Variants in GMDS observed in about 807,000 individuals in gnomAD.
GMDS encodes GDP-mannose 4,6-dehydratase, also known as GDP-mannose 4,6 dehydratase.
In GMDS, 20 loss-of-function variants were observed where a neutral mutation model predicts 49.9. That is an observed-to-expected ratio of 0.40 (90% CI 0.28 to 0.58). The LOEUF is 0.58. Ranked by LOEUF, GMDS falls within the 20% of genes least tolerant of loss-of-function variation. The probability of loss-of-function intolerance (pLI) is 0.42; values close to 1 mark genes in which losing one functional copy is unlikely to be tolerated. For missense variants in GMDS, 362 were observed against 481.4 expected, an observed-to-expected ratio of 0.75 and a Z score of 2.32; for synonymous variants, 177 against 178.6, an observed-to-expected ratio of 0.99 and a Z score of 0.07.
At chr6:1,757,653 T>C (rs1767997164) in intron 7 of GMDS, among the ~76,000 whole-genome samples, 1 of 152,226 alleles carries the variant, frequency 6.6e-6, no homozygotes, top group Non-Finnish European at 1.5e-5. Flanking sequence ...ACCTCTGAAC[T>C]GATTCTAGGC....
At chr6:2,211,172 A>AG (rs1463099760) in intron 1 of GMDS, among the ~76,000 whole-genome samples, 1 of 152,156 alleles carries the variant, frequency 6.6e-6, no homozygotes, top group African/African-American at 2.4e-5. Flanking sequence ...GGACTAACAC[A>AG]GTGATTACCC....
rs532627321 is a variant in GMDS at position 1,766,625 on chromosome 6, C to T, written c.772-24039G>A. Among the ~76,000 whole-genome samples the T allele has an allele frequency of 2.6e-3, 395 of 152,276 alleles. 1 individual carries two copies. The highest frequency in any genetic ancestry group is 9.2e-3 in the African/African-American group (383 of 41,562). ...TGCCTCCGGAGCCCAGGGAAGCTCACCTCAGGCAGCCTGCAGAGGCTCTCC... is the reference window on the plus strand; with the variant it reads ...TGCCTCCGGAGCCCAGGGAAGCTCATCTCAGGCAGCCTGCAGAGGCTCTCC... On this transcript the variant is annotated intron_variant, in intron 7 of 10. Transcript: ENST00000380815. This position sits in a 1 kb window ranked among gnomAD's most constrained non-coding sequence, Gnocchi z 4.5.
At chr6:1,721,217 T>C (rs913584912) in intron 9 of GMDS, among the ~76,000 whole-genome samples, 2 of 152,124 alleles carry the variant, frequency 1.3e-5, no homozygotes, top group Non-Finnish European at 2.9e-5. Context: ...TCGACAAGCA[T>C]ATGGTAATTT....
intron 6 of GMDS, among the ~76,000 whole-genome samples, chr6:1,933,765 T>A (rs931189873): frequency 6.6e-6 from 1 of 152,246 alleles, no homozygotes; most frequent in African/African-American, 2.4e-5. Context: ...ACATTCTGGA[T>A]CCAAGTCCCT....
At chr6:2,113,890 T>C (rs998929220) in intron 4 of GMDS, among the ~76,000 whole-genome samples, 6 of 152,104 alleles carry the variant, frequency 3.9e-5, no homozygotes, top group African/African-American at 7.2e-5. Context: ...TTTCCGCCCA[T>C]TAACTAACCA....
At chr6:2,106,861 T>G (rs1317384237) in intron 4 of GMDS, among the ~76,000 whole-genome samples, 1 of 131,460 alleles carries the variant, frequency 7.6e-6, no homozygotes, top group Non-Finnish European at 1.5e-5. Flanking sequence ...AGACTCTGTC[T>G]CAAAAAAAGA....
intron 7 of GMDS, among the ~76,000 whole-genome samples, chr6:1,923,854 A>G (rs1761853930): frequency 6.6e-6 from 1 of 152,242 alleles, no homozygotes; most frequent in African/African-American, 2.4e-5. Context: ...AGATGGACAG[A>G]TAGGAAAGAA....
At chr6:1,626,212 ACTCTC>A (rs1264436506) in intron 9 of GMDS, 3 of 151,984 alleles carry the variant, frequency 2.0e-5, no homozygotes, top group Non-Finnish European at 2.9e-5. Context: ...ACACGCAGCG[ACTCTC>A]GCTGTCGTTC....
rs150872604 is a variant in GMDS at position 1,987,056 on chromosome 6, T to A, written c.346-26090A>T. 7.2e-3 allele frequency among the ~76,000 whole-genome samples: 1,092 copies of A among 152,154 alleles called. 5 individuals are homozygous for A. Among genetic ancestry groups the A allele is most frequent in the Middle Eastern group, 0.054 (16 of 294 alleles). On this transcript the variant is annotated intron_variant, in intron 4 of 10. Transcript: ENST00000380815. ...GCAACGTTGTACCCTCTGTGATGAGTGACATGGTAGTGCTCTGTGAGTTTG... is the reference window on the plus strand; with the variant it reads ...GCAACGTTGTACCCTCTGTGATGAGAGACATGGTAGTGCTCTGTGAGTTTG...
chr6:2,099,275 T>C (rs1773788770), intron 4 of GMDS, among the ~76,000 whole-genome samples: 1 of 152,148 alleles, frequency 6.6e-6, no homozygotes, highest in African/African-American at 2.4e-5. Context: ...AAATAGAAAT[T>C]TCTGCAAAGT....
intron 8 of GMDS, among the ~76,000 whole-genome samples, chr6:1,740,687 A>AT (rs35221392): frequency 0.33 from 50,017 of 149,860 alleles, 9,530 homozygotes; most frequent in Non-Finnish European, 0.45. Flanking sequence ...AAGAAGGCCA[A>AT]TTTTTTTTTT....
intron 7 of GMDS, among the ~76,000 whole-genome samples, chr6:1,786,056 C>T (rs891209419): frequency 6.6e-6 from 1 of 152,194 alleles, no homozygotes; most frequent in African/African-American, 2.4e-5. Flanking sequence ...GTAAAACCAG[C>T]GTGCTGCTGC....
chr6:2,197,804 C>T (rs1279312826), intron 1 of GMDS, among the ~76,000 whole-genome samples: 1 of 152,186 alleles, frequency 6.6e-6, no homozygotes, highest in Non-Finnish European at 1.5e-5. Flanking sequence ...CAAAGGAAGA[C>T]ACCCCTCTCA....
At chr6:1,921,569 A>AATT (rs1425913876) in intron 7 of GMDS, among the ~76,000 whole-genome samples, 1 of 152,236 alleles carries the variant, frequency 6.6e-6, no homozygotes, top group Non-Finnish European at 1.5e-5. Context: ...TGGCAAGCTG[A>AATT]ATTTGTTATA....
At position 1,705,957 on chromosome 6, in the gene GMDS, G is replaced by A. The variant is rs534832114; in HGVS notation, c.987+20459C>T. 3.9e-5 allele frequency among the ~76,000 whole-genome samples: 6 copies of A among 152,296 alleles called. No homozygotes were observed. The South Asian group carries it at 1.2e-3, about 32-fold the overall frequency. ...CCCTTGCAAGAACAGGTGCATCTGG[G>A]GGGCATTAAGCCCTGAAGAAGTTTT... On this transcript the variant is annotated intron_variant, in intron 9 of 10. Coordinates refer to ENST00000380815, the MANE Select transcript of GMDS (RefSeq NM_001500.4).
At chr6:1,859,541 C>A (rs1316571878) in intron 7 of GMDS, among the ~76,000 whole-genome samples, 1 of 152,128 alleles carries the variant, frequency 6.6e-6, no homozygotes, top group Non-Finnish European at 1.5e-5. Flanking sequence ...CACTTCAAAC[C>A]TTTGCCTTTT....
At chr6:2,120,015 A>G (rs1775053923) in intron 2 of GMDS, among the ~76,000 whole-genome samples, 2 of 152,210 alleles carry the variant, frequency 1.3e-5, no homozygotes, top group African/African-American at 2.4e-5. Flanking sequence ...TGAATTTCAA[A>G]TTCTTAGTGT....
intron 4 of GMDS, among the ~76,000 whole-genome samples, chr6:2,000,951 TATAA>T (rs1174033562): frequency 5.2e-5 from 8 of 152,384 alleles, no homozygotes; most frequent in Admixed American, 1.3e-4. Flanking sequence ...GTAGCACTGC[TATAA>T]ACATTCTTGT....
At chr6:2,204,001 CTT>C (rs55884117) in intron 1 of GMDS, among the ~76,000 whole-genome samples, 2,406 of 152,302 alleles carry the variant, frequency 0.016, 42 homozygotes, top group South Asian at 0.06. Flanking sequence ...GAAAACCTGA[CTT>C]TACAAATTTT....
Sources: gnomAD v4.1 joint callset for allele counts (sites outside exome capture counted in the v4.1 genomes callset) on GRCh38, gnomAD v4.1.1 for gene constraint, Gnocchi (gnomAD v3.1) non-coding constraint, MANE v1.5 for transcripts, NCBI Gene and HGNC (gene_info 2026-07-23, HGNC 2026-07-21) for gene names.